FSTL5: variants seen among roughly 807,000 people sequenced by gnomAD.
The protein encoded by FSTL5 is follistatin-related protein 5.
FSTL5 carries 62 observed loss-of-function variants against 89.1 expected under a neutral mutation model. The ratio of observed to expected loss-of-function variants is 0.70; its 90% CI spans 0.57 to 0.86. The LOEUF (loss-of-function observed/expected upper bound fraction) is 0.86. FSTL5 is among the 40% of genes least tolerant of loss of function. The pLI, the probability that FSTL5 is intolerant of heterozygous loss-of-function variation, is 0.00. For missense variants in FSTL5, 1,057 were observed against 1,001.6 expected, an observed-to-expected ratio of 1.06 and a Z score of -0.75; for synonymous variants, 383 against 346.2, an observed-to-expected ratio of 1.11 and a Z score of -1.18.
At chr4:161,858,851 T>C (rs1028154971) in intron 4 of FSTL5, among the ~76,000 whole-genome samples, 5 of 152,222 alleles carry the variant, frequency 3.3e-5, no homozygotes, top group Non-Finnish European at 7.3e-5. Context: ...CACAAACTTT[T>C]GTTAAACCCC....
intron 6 of FSTL5, among the ~76,000 whole-genome samples, chr4:161,679,790 G>A (rs1737454255): frequency 6.6e-6 from 1 of 151,740 alleles, no homozygotes; most frequent in African/African-American, 2.4e-5. Context: ...CACATACTAT[G>A]TGCTAGGTAC....
intron 2 of FSTL5, among the ~76,000 whole-genome samples, chr4:162,088,450 A>G (rs2111350693): frequency 6.6e-6 from 1 of 152,230 alleles, no homozygotes; most frequent in East Asian, 1.9e-4. Context: ...TTAGGATCAG[A>G]AAAATGACAT....
intron 10 of FSTL5, among the ~76,000 whole-genome samples, chr4:161,516,561 CATATAGTAAATTATATATTTT>C (rs1730839325): frequency 7.6e-6 from 1 of 131,730 alleles, no homozygotes; most frequent in Non-Finnish European, 1.6e-5. Context: ...ATATATATTT[CATATAGTAAATTATATATTTT>C]ATATAATAAA....
chr4:161,876,571 T>C (rs191619785), intron 4 of FSTL5, among the ~76,000 whole-genome samples: 1 of 152,294 alleles, frequency 6.6e-6, no homozygotes, highest in Non-Finnish European at 1.5e-5. Flanking sequence ...CAGTAACTTG[T>C]GTTTTAAAAA....
intron 6 of FSTL5, among the ~76,000 whole-genome samples, chr4:161,705,852 G>C (rs1738546414): frequency 6.8e-6 from 1 of 147,466 alleles, no homozygotes; most frequent in Non-Finnish European, 1.5e-5. Context: ...TTGAGCCCAG[G>C]AAGGTCAAGA....
chr4:162,093,520 A>G (rs1730633248), intron 2 of FSTL5, among the ~76,000 whole-genome samples: 1 of 152,214 alleles, frequency 6.6e-6, no homozygotes. Context: ...GCTGGGATTA[A>G]GGAGAGATAA....
intron 3 of FSTL5, among the ~76,000 whole-genome samples, chr4:161,976,545 C>CAGG (rs1242981973): frequency 3.3e-5 from 5 of 151,932 alleles, no homozygotes; most frequent in African/African-American, 4.8e-5. Flanking sequence ...GCAGTGGTGC[C>CAGG]ATCTCGGCTC....
intron 4 of FSTL5, among the ~76,000 whole-genome samples, chr4:161,825,189 C>A (rs1019601637): frequency 6.6e-6 from 1 of 152,102 alleles, no homozygotes; most frequent in African/African-American, 2.4e-5. Context: ...TGTGGCGTAT[C>A]ACATTTATTG....
At position 161,500,159 on chromosome 4, in the gene FSTL5, T is replaced by C. The variant is rs934958670; in HGVS notation, c.1340-25A>G. The C allele has an allele frequency of 3.6e-6, 5 of 1,394,364 alleles. No homozygotes were observed. In the African/African-American group the frequency reaches 7.2e-5, roughly 20 times the overall value. The allele number at this position is 1,394,364 out of a possible 1,614,324, so 86.4% of individuals were successfully genotyped here. ...CCTTAGGAATAAAAACACATTTAAA[T>C]GTTCAAAATATAATTATCATAAACC... On this transcript the variant is annotated intron_variant, in intron 11 of 15. Transcript: ENST00000306100.
At chr4:162,162,992 G>T (rs778537620) in intron 1 of FSTL5, among the ~76,000 whole-genome samples, 1 of 152,138 alleles carries the variant, frequency 6.6e-6, no homozygotes, top group Non-Finnish European at 1.5e-5. Context: ...ATGACCTTGG[G>T]GTGTGGAATG....
At chr4:161,538,607 T>C (rs1731713765) in intron 9 of FSTL5, among the ~76,000 whole-genome samples, 1 of 152,168 alleles carries the variant, frequency 6.6e-6, no homozygotes, top group Non-Finnish European at 1.5e-5. Flanking sequence ...TTTATATATT[T>C]ACTTATAATA....
At chr4:162,133,433 G>A (rs1732400681) in intron 1 of FSTL5, among the ~76,000 whole-genome samples, 1 of 152,112 alleles carries the variant, frequency 6.6e-6, no homozygotes, top group African/African-American at 2.4e-5. Flanking sequence ...GGTAGGAGAG[G>A]CAGTCATTGT....
chr4:162,059,386 A>G (rs1578994363), intron 2 of FSTL5, among the ~76,000 whole-genome samples: 1 of 152,322 alleles, frequency 6.6e-6, no homozygotes, highest in East Asian at 1.9e-4. Flanking sequence ...GTGTTAAAGC[A>G]CTCAAATTTT....
chr4:161,435,195 T>C (rs1024893307), intron 15 of FSTL5, among the ~76,000 whole-genome samples: 4 of 152,038 alleles, frequency 2.6e-5, no homozygotes, highest in African/African-American at 9.7e-5. Flanking sequence ...ACCAGACGAA[T>C]GGATAAAGAA....
chr4:161,525,022 G>A (rs1731169833), intron 10 of FSTL5, among the ~76,000 whole-genome samples: 1 of 151,872 alleles, frequency 6.6e-6, no homozygotes, highest in South Asian at 2.1e-4. Flanking sequence ...CTCCAGCTAT[G>A]GAAGTGTCAC....
At chr4:161,512,211 A>G (rs575227297) in intron 10 of FSTL5, among the ~76,000 whole-genome samples, 37 of 152,238 alleles carry the variant, frequency 2.4e-4, no homozygotes, top group Admixed American at 5.9e-4. Flanking sequence ...TACAAAAATA[A>G]CAACGCATGT....
At position 161,412,867 on chromosome 4, in the gene FSTL5, G is replaced by A. The variant is rs1260061148; in HGVS notation, c.1842-26418C>T. 9.2e-5 allele frequency among the ~76,000 whole-genome samples: 14 copies of A among 152,290 alleles called. No individual in the cohort carries two copies. In the South Asian group the frequency reaches 2.7e-3, roughly 29 times the overall value. On this transcript the variant is annotated intron_variant, in intron 15 of 15. Transcript: ENST00000306100. Reference sequence around the variant, plus strand: ...GTGCTGGGATAACTGCTAGCCATCTGCAGAAGATTGAAGCTGGATCCCTAA... The same window carrying A: ...GTGCTGGGATAACTGCTAGCCATCTACAGAAGATTGAAGCTGGATCCCTAA...
intron 6 of FSTL5, among the ~76,000 whole-genome samples, chr4:161,671,967 T>C (rs1207417839): frequency 2.0e-5 from 3 of 152,184 alleles, no homozygotes; most frequent in African/African-American, 7.2e-5. Context: ...GATTATCCCA[T>C]GTGAATCATT....
chr4:161,768,662 C>T (rs931774864), intron 5 of FSTL5, among the ~76,000 whole-genome samples: 4 of 151,744 alleles, frequency 2.6e-5, no homozygotes, highest in Non-Finnish European at 5.9e-5. Flanking sequence ...TGCCATTTTG[C>T]AAATGGATGT....
Sources: gnomAD v4.1 joint callset for allele counts (sites outside exome capture counted in the v4.1 genomes callset) on GRCh38, gnomAD v4.1.1 for gene constraint, MANE v1.5 for transcripts, NCBI Gene and HGNC (gene_info 2026-07-23, HGNC 2026-07-21) for gene names.